MYT1L: variants seen among roughly 807,000 people sequenced by gnomAD.
The protein encoded by MYT1L is myelin transcription factor 1-like protein.
In MYT1L, 12 loss-of-function variants were observed where a neutral mutation model predicts 126.7. That is an observed-to-expected ratio of 0.09 (90% CI 0.06 to 0.15). The LOEUF (loss-of-function observed/expected upper bound fraction) is 0.15, where lower values mean the gene tolerates loss of function less well. Ranked by LOEUF, MYT1L falls within the 10% of genes least tolerant of loss-of-function variation. The pLI is 1.00. For missense variants in MYT1L, 979 were observed against 1,585.2 expected (o/e 0.62, Z 6.49); for synonymous variants, 541 against 604.2 (o/e 0.90, Z 1.53).
chr2:2,160,496 CT>C (rs2087684988), intron 3 of MYT1L, among the ~76,000 whole-genome samples: 1 of 152,204 alleles, frequency 6.6e-6, no homozygotes, highest in African/African-American at 2.4e-5. Context: ...ATGGGCATCA[CT>C]GGCTGCTAAA....
chr2:2,255,660 C>T (rs2094788643), intron 2 of MYT1L, among the ~76,000 whole-genome samples: 2 of 152,154 alleles, frequency 1.3e-5, no homozygotes, highest in Non-Finnish European at 2.9e-5. Context: ...GGGCCGTCAT[C>T]CTGTTTTTAG....
chr2:1,818,287 C>T (rs539576882), intron 21 of MYT1L, among the ~76,000 whole-genome samples: 30 of 152,246 alleles, frequency 2.0e-4, no homozygotes, highest in African/African-American at 2.9e-4. Context: ...TGAGAACTCA[C>T]GACAAAGAGC....
chr2:1,933,969 A>ATTTTTTTTTT (rs920521570), intron 9 of MYT1L, among the ~76,000 whole-genome samples: 1 of 111,756 alleles, frequency 8.9e-6, no homozygotes, highest in Non-Finnish European at 1.9e-5. Context: ...TCTAATTTTG[A>ATTTTTTTTTT]TTTTTTTTTT....
intron 1 of MYT1L, among the ~76,000 whole-genome samples, chr2:2,293,302 A>G (rs181356733): frequency 4.5e-4 from 69 of 152,330 alleles, no homozygotes; most frequent in African/African-American, 1.6e-3. Context: ...TCTTAGGGGA[A>G]CCTGCCAAGT....
chr2:2,217,708 A>ACAACAAC (rs200587442), intron 2 of MYT1L, among the ~76,000 whole-genome samples: 1 of 112,606 alleles, frequency 8.9e-6, no homozygotes, highest in Non-Finnish European at 1.9e-5. Context: ...AACAACAACA[A>ACAACAAC]AAAAAAAAAA....
rs192123209 is a variant in MYT1L at position 2,085,757 on chromosome 2, A to G, written c.-303-31634T>C. On this transcript the variant is annotated intron_variant, in intron 3 of 24. Coordinates refer to ENST00000647738, the MANE Select transcript of MYT1L (RefSeq NM_001303052.2). Reference sequence around the variant, plus strand: ...GTTTTATGCCCTAGCTGGAGCCCAGATCGTAAGATGCTGAAGCAGCTTGGC... The same window carrying G: ...GTTTTATGCCCTAGCTGGAGCCCAGGTCGTAAGATGCTGAAGCAGCTTGGC... Among the ~76,000 whole-genome samples, 8 of 152,302 alleles carry G rather than the reference A, an allele frequency of 5.3e-5. No individual in the cohort carries two copies. The East Asian group carries it at 1.5e-3, about 29-fold the overall frequency.
At chr2:2,057,343 C>T (rs960104839) in intron 3 of MYT1L, among the ~76,000 whole-genome samples, 2 of 151,904 alleles carry the variant, frequency 1.3e-5, no homozygotes, top group Non-Finnish European at 2.9e-5. Context: ...TTCACAGCCA[C>T]GCCCAGCCTC....
chr2:1,922,732 G>A lies in MYT1L; in HGVS notation c.1037C>T (p.Pro346Leu), dbSNP rs1251285717. ...GTTCTGCTGCGGATTCCTCTCCTGC[G>A]GGTTGGTCTCACTGAGCTTCCTGGC... ...DLARKLSETN[P>L]QERNPQQNMN... The change falls in exon 10 of 25, where the codon CCG becomes CTG. Residue 346 changes from proline to leucine, a missense_variant. This residue lies in a region of MYT1L where 243 missense variants were observed against 363.9 expected (regional missense o/e 0.67). Transcript: ENST00000647738. The surrounding 1 kb of genome is among the most constrained non-coding windows in gnomAD (Gnocchi z 7.4). 6.2e-7 allele frequency: 1 copy of A among 1,613,858 alleles called. No homozygotes were observed. Among genetic ancestry groups the A allele is most frequent in the Non-Finnish European group, 8.5e-7 (1 of 1,179,886 alleles).
At chr2:2,054,447 G>A (rs573961738) in intron 3 of MYT1L, among the ~76,000 whole-genome samples, 20 of 151,760 alleles carry the variant, frequency 1.3e-4, no homozygotes, top group Non-Finnish European at 2.8e-4. Flanking sequence ...AACACTCAGA[G>A]GTGAGATCAT....
At chr2:2,017,133 G>A (rs116826363) in intron 4 of MYT1L, among the ~76,000 whole-genome samples, 307 of 152,294 alleles carry the variant, frequency 2.0e-3, no homozygotes, top group African/African-American at 6.4e-3. Flanking sequence ...GGCTATTGCC[G>A]TATTCATGGA....
chr2:1,803,097 G>C (rs1289271443), intron 22 of MYT1L, among the ~76,000 whole-genome samples: 1 of 152,168 alleles, frequency 6.6e-6, no homozygotes, highest in East Asian at 1.9e-4. Flanking sequence ...ATGAGAGTAA[G>C]AGAAAGTGAT....
chr2:1,813,209 C>T lies in MYT1L; in HGVS notation c.3081-4042G>A, dbSNP rs564300903. Among the ~76,000 whole-genome samples, 248 of 152,328 alleles carry T rather than the reference C, an allele frequency of 1.6e-3. 1 individual carries two copies. Among genetic ancestry groups the T allele is most frequent in the Admixed American group, 4.8e-3 (74 of 15,310 alleles). Reference sequence around the variant, plus strand: ...GGAGAGAGGGAGGGCCACAAAGGCACGCCTCCTCCTCCTTGCCGTCCTCCC... The same window carrying T: ...GGAGAGAGGGAGGGCCACAAAGGCATGCCTCCTCCTCCTTGCCGTCCTCCC... On this transcript the variant is annotated intron_variant, in intron 21 of 24. Transcript: ENST00000647738.
rs2035715391 is a variant in MYT1L, at chr2:1,806,329, C to G, written c.3172+2747G>C. On this transcript the variant is annotated intron_variant, in intron 22 of 24. Transcript: ENST00000647738. This position sits in a 1 kb window ranked among gnomAD's most constrained non-coding sequence, Gnocchi z 4.9. ...CCCATGGACGTGCGTGCATTAGGATCTGCAGCAAGGGGAACTGTTTGTCCT... is the reference window on the plus strand; with the variant it reads ...CCCATGGACGTGCGTGCATTAGGATGTGCAGCAAGGGGAACTGTTTGTCCT... 6.6e-6 allele frequency among the ~76,000 whole-genome samples: 1 copy of G among 152,230 alleles called. No individual in the cohort carries two copies. The highest frequency in any genetic ancestry group is 2.1e-4 in the South Asian group (1 of 4,832).
chr2:2,009,720 C>T (rs762807595), intron 4 of MYT1L, among the ~76,000 whole-genome samples: 1 of 152,138 alleles, frequency 6.6e-6, no homozygotes. Flanking sequence ...TCTGACTGCT[C>T]TTGTTAGTAC....
intron 3 of MYT1L, among the ~76,000 whole-genome samples, chr2:2,148,743 A>G (rs1298495673): frequency 1.3e-5 from 2 of 152,192 alleles, no homozygotes; most frequent in Non-Finnish European, 2.9e-5. Context: ...GGTAAACAAC[A>G]TGAACAGGTT....
chr2:2,187,076 G>C (rs560145572), intron 2 of MYT1L, among the ~76,000 whole-genome samples: 116 of 152,254 alleles, frequency 7.6e-4, no homozygotes, highest in Non-Finnish European at 1.4e-3. Flanking sequence ...AGTCTTTATG[G>C]ATTGCAGGCC....
intron 18 of MYT1L, among the ~76,000 whole-genome samples, chr2:1,879,704 T>A (rs2047313971): frequency 6.6e-6 from 1 of 152,094 alleles, no homozygotes; most frequent in African/African-American, 2.4e-5. Context: ...GTACTTACAA[T>A]TATAAGGACA....
Position 1,917,661 on chromosome 2 carries a change from C to T in MYT1L, c.1484-322G>A, listed in dbSNP as rs1001251944. Among the ~76,000 whole-genome samples the T allele has an allele frequency of 2.0e-5, 3 of 152,176 alleles. No homozygotes were observed. Among genetic ancestry groups the T allele is most frequent in the Non-Finnish European group, 4.4e-5 (3 of 68,026 alleles). On this transcript the variant is annotated intron_variant, in intron 10 of 24. Transcript: ENST00000647738. The surrounding 1 kb of genome is among the most constrained non-coding windows in gnomAD (Gnocchi z 5.9). Reference sequence around the variant, plus strand: ...GTTGCTCAAAGGAATCAACGTAAATCGTGATGAGACAGTGACCTTCTTAGA... The same window carrying T: ...GTTGCTCAAAGGAATCAACGTAAATTGTGATGAGACAGTGACCTTCTTAGA...
rs2031865211 is a variant in MYT1L, at chr2:1,790,435, A to AT, written c.*1431dup. 6.6e-6 allele frequency: 1 copy of AT among 152,258 alleles called. No individual in the cohort carries two copies. The highest frequency in any genetic ancestry group is 2.4e-5 in the African/African-American group (1 of 41,480). 9.4% of individuals were successfully genotyped at this position (152,258 alleles called of 1,614,324 possible). A position where few individuals can be genotyped will look rare whatever the true frequency, so the allele number is the denominator to read the frequency against. ...TCTTATGCATACATATAGTGCAGTCATTGGGAGTAAAACAATCAAATCTGG... is the reference window on the plus strand; with the variant it reads ...TCTTATGCATACATATAGTGCAGTCATTTGGGAGTAAAACAATCAAATCTGG... On this transcript the variant is annotated 3_prime_UTR_variant, in exon 25 of 25. Transcript: ENST00000647738.
Sources: gnomAD v4.1 joint callset for allele counts (sites outside exome capture counted in the v4.1 genomes callset) on GRCh38, gnomAD v4.1.1 for gene constraint, gnomAD v4.1.1 regional missense constraint, Gnocchi (gnomAD v3.1) non-coding constraint, MANE v1.5 for transcripts, NCBI Gene and HGNC (gene_info 2026-07-23, HGNC 2026-07-21) for gene names.